The following KLK6 variants were observed in gnomAD, a reference collection of about 807,000 sequenced individuals.
KLK6 encodes kallikrein related peptidase 6.
A neutral mutation model predicts 21.7 loss-of-function variants in KLK6; 16 were observed. The ratio of observed to expected loss-of-function variants is 0.74; its 90% CI spans 0.50 to 1.12. KLK6 has a LOEUF of 1.12. Among genes scored for constraint, KLK6 ranks in the 50% most tolerant of loss-of-function variants. The probability of loss-of-function intolerance (pLI) is 0.00; values close to 1 mark genes in which losing one functional copy is unlikely to be tolerated. For missense variants in KLK6, 276 were observed against 304.6 expected, an observed-to-expected ratio of 0.91 and a Z score of 0.70; for synonymous variants, 116 against 120.1, an observed-to-expected ratio of 0.97 and a Z score of 0.22.
intron 3 of KLK6, among the ~76,000 whole-genome samples, 186 bp from the exon 4 acceptor site, chr19:50,967,511 C>CCACACACACACG (rs1818489291): frequency 1.6e-5 from 2 of 125,478 alleles, no homozygotes; most frequent in Non-Finnish European, 3.2e-5. Context: ...GACCTCATCT[C>CCACACACACACG]CACACACACA....
chr19:50,959,411 CAGAG>C (rs1212747922), intron 6 of KLK6, 95 bp from the exon 7 acceptor site: 7 of 793,526 alleles, frequency 8.8e-6, no homozygotes, highest in Middle Eastern at 4.0e-4. Flanking sequence ...GTGTGTGTGA[CAGAG>C]AGAGAGGTAG....
chr19:50,965,290 C>CA (rs2090907028), intron 4 of KLK6, among the ~76,000 whole-genome samples: 1 of 135,578 alleles, frequency 7.4e-6, no homozygotes, highest in Non-Finnish European at 1.6e-5. Context: ...TCTTTCTTTC[C>CA]TTTTTTTTTT....
In KLK6 at chr19:50,962,088, C is replaced by G. The variant is rs528962921; in HGVS notation, c.446-208G>C. ...TCCCTCTTTCTATCATTCTTCCCCC[C>G]CATTGGCTGTCTTCCTCATTAATAG... On this transcript the variant is annotated intron_variant, in intron 5 of 6. Transcript: ENST00000310157. 150 of 510,568 alleles carry G rather than the reference C, an allele frequency of 2.9e-4. 1 individual carries two copies. The South Asian group carries it at 4.3e-3, about 15-fold the overall frequency. 31.6% of individuals were successfully genotyped at this position (510,568 alleles called of 1,614,324 possible).
chr19:50,959,422 G>T, intron 6 of KLK6, 106 bp from the exon 7 acceptor site: 1 of 977,218 alleles, frequency 1.0e-6, no homozygotes, highest in East Asian at 2.5e-5. Flanking sequence ...AGAGAGAGAG[G>T]TAGAAAGGGA....
chr19:50,960,021 G>A (rs2090806719), intron 6 of KLK6, among the ~76,000 whole-genome samples: 1 of 104,706 alleles, frequency 9.6e-6, no homozygotes, highest in Non-Finnish European at 2.0e-5. Context: ...GGAGAAGGAG[G>A]AGGAGGAGGG....
intron 3 of KLK6, 143 bp from the exon 4 acceptor site, chr19:50,967,468 A>G (rs1295620543): frequency 4.1e-5 from 28 of 677,134 alleles, no homozygotes; most frequent in Non-Finnish European, 3.6e-5. Flanking sequence ...GCTTGAGCCC[A>G]GGAGTTTGAG....
At chr19:50,966,491 A>C (rs1009656430) in intron 4 of KLK6, among the ~76,000 whole-genome samples, 10 of 152,198 alleles carry the variant, frequency 6.6e-5, no homozygotes, top group South Asian at 4.1e-4. Context: ...CGTGGTAGCC[A>C]GGGTGCTTGT....
chr19:50,962,082 T>TC (rs570065137), intron 5 of KLK6: 10 of 514,452 alleles, frequency 1.9e-5, no homozygotes, highest in East Asian at 6.8e-5. Context: ...CTATCATTCT[T>TC]CCCCCCCATT....
Position 50,958,937 on chromosome 19 carries a change from G to A in KLK6, c.*227C>T, listed in dbSNP as rs2090759503. 4 of 558,588 alleles carry A rather than the reference G, an allele frequency of 7.2e-6. No individual in the cohort carries two copies. The highest frequency in any genetic ancestry group is 3.2e-5 in the Admixed American group (1 of 31,442). 34.6% of individuals were successfully genotyped at this position (558,588 alleles called of 1,614,324 possible). ...GATTTTCCTGTATTCTCTTAGTGGT[G>A]GGGGTAAGACCGAGGACCCAAGTCC... On this transcript the variant is annotated 3_prime_UTR_variant, in exon 7 of 7. Coordinates refer to ENST00000310157, the MANE Select transcript of KLK6 (RefSeq NM_002774.4).
intron 4 of KLK6, 55 bp from the exon 5 acceptor site, chr19:50,963,604 T>G: frequency 1.9e-6 from 3 of 1,597,456 alleles, no homozygotes; most frequent in Non-Finnish European, 2.6e-6. Flanking sequence ...CAGTTGAGGC[T>G]TCAGAGAGGG....
intron 4 of KLK6, among the ~76,000 whole-genome samples, chr19:50,963,977 C>G (rs1418728267): frequency 6.6e-6 from 1 of 152,138 alleles, no homozygotes; most frequent in East Asian, 1.9e-4. Context: ...CTCTGCTCAG[C>G]CCCTCCTATG....
chr19:50,963,239 A>G (rs1292942333), intron 5 of KLK6, 63 bp downstream of exon 5: 90 of 1,566,740 alleles, frequency 5.7e-5, no homozygotes, highest in Non-Finnish European at 7.8e-5. Flanking sequence ...CCCACTCCCC[A>G]TCCTTTGGCA....
chr19:50,961,761 C>G lies in KLK6; in HGVS notation c.565G>C (p.Gly189Arg). 6.2e-7 allele frequency: 1 copy of G among 1,613,870 alleles called. No individual in the cohort carries two copies. The highest frequency in any genetic ancestry group is 8.5e-7 in the Non-Finnish European group (1 of 1,179,850). The change falls in exon 6 of 7, where the codon GGG (glycine) becomes CGG (arginine). Residue 189 changes from glycine to arginine, a missense_variant. By Grantham distance (125) the Gly-to-Arg change is moderately radical. Coordinates refer to ENST00000310157, the MANE Select transcript of KLK6 (RefSeq NM_002774.4). ...CACCTCACCTGGCAGGAATCCTTCC[C>G]GTACTTCTCATCCCCAGCACACAAC... is the stretch of plus-strand genomic sequence containing the variant. Reference protein sequence around the residue: ...NMLCAGDEKYGKDSCQGDSGG... With the variant: ...NMLCAGDEKYRKDSCQGDSGG...
intron 2 of KLK6, 123 bp from the exon 3 acceptor site, chr19:50,968,235 G>A: frequency 1.2e-6 from 1 of 857,774 alleles, no homozygotes; most frequent in Non-Finnish European, 2.0e-6. Flanking sequence ...CTTGACCTCT[G>A]TCCTTCCCAT....
chr19:50,963,979 C>T (rs754467591), intron 4 of KLK6, among the ~76,000 whole-genome samples: 3 of 152,116 alleles, frequency 2.0e-5, no homozygotes, highest in Non-Finnish European at 4.4e-5. Context: ...CTGCTCAGCC[C>T]CTCCTATGAC....
At position 50,967,291 on chromosome 19, in the gene KLK6, G is replaced by A. The variant is rs1401187950; in HGVS notation, c.75C>T (p.Gly25=). 10 of 1,613,042 alleles carry A rather than the reference G, an allele frequency of 6.2e-6. No homozygotes were observed. Among genetic ancestry groups the A allele is most frequent in the Non-Finnish European group, 5.9e-6 (7 of 1,179,380 alleles). The change falls in exon 4 of 7, where the codon GGC becomes GGT. Residue 25 remains glycine (G), a synonymous_variant. Coordinates refer to ENST00000310157, the MANE Select transcript of KLK6 (RefSeq NM_002774.4). ...GGTGAGATGTCTTGTCGCAGGGTCC[G>A]CCATGCACCAACTTATTCTGCTCCT... ...WAEEQNKLVH[G]GPCDKTSHPY...
In KLK6 at chr19:50,958,733, A is replaced by T. The variant is rs1175187098; in HGVS notation, c.*431T>A. On this transcript the variant is annotated 3_prime_UTR_variant, in exon 7 of 7. Coordinates refer to ENST00000310157, the MANE Select transcript of KLK6 (RefSeq NM_002774.4). Reference sequence around the variant, plus strand: ...AAATCTTTCCAACAGCCACTGCCTTATGGAGACTGTATCATCCTTATCTTC... The same window carrying T: ...AAATCTTTCCAACAGCCACTGCCTTTTGGAGACTGTATCATCCTTATCTTC... 1.1e-5 allele frequency: 2 copies of T among 185,286 alleles called. No homozygotes were observed. The highest frequency in any genetic ancestry group is 2.4e-5 in the African/African-American group (1 of 42,418). The allele number at this position is 185,286 out of a possible 1,614,324, so 11.5% of individuals were successfully genotyped here. A position where few individuals can be genotyped will look rare whatever the true frequency, so the allele number is the denominator to read the frequency against.
Position 50,968,412 on chromosome 19 carries a change from A to C in KLK6, c.-9+129T>G, listed in dbSNP as rs561110517. On this transcript the variant is annotated intron_variant, in intron 2 of 6. Transcript: ENST00000310157. ...GGCACTGATTTGCCTTCCTGTCGAC[A>C]GGAGAGGGTTACCCTAGGGGGCCCT... 6.3e-6 allele frequency: 3 copies of C among 478,134 alleles called. No individual in the cohort carries two copies. The South Asian group carries it at 6.9e-5, about 11-fold the overall frequency. 29.6% of individuals were successfully genotyped at this position (478,134 alleles called of 1,614,324 possible). A position where few individuals can be genotyped will look rare whatever the true frequency, so the allele number is the denominator to read the frequency against.
chr19:50,963,657 C>T, intron 4 of KLK6, 108 bp from the exon 5 acceptor site: 1 of 1,327,300 alleles, frequency 7.5e-7, no homozygotes, highest in Non-Finnish European at 1.0e-6. Flanking sequence ...CCACAGTCTT[C>T]CCCAGCTGGG....
Sources: gnomAD v4.1 joint callset for allele counts (sites outside exome capture counted in the v4.1 genomes callset) on GRCh38, gnomAD v4.1.1 for gene constraint, MANE v1.5 for transcripts, NCBI Gene and HGNC (gene_info 2026-07-23, HGNC 2026-07-21) for gene names.